Variants in EMSY observed in about 807,000 individuals in gnomAD.
EMSY encodes the protein EMSY transcriptional repressor, BRCA2 interacting.
In EMSY, 26 loss-of-function variants were observed where a neutral mutation model predicts 134.6. The observed-to-expected ratio is 0.19, with a 90% CI of 0.14 to 0.27. The LOEUF (loss-of-function observed/expected upper bound fraction) is 0.27, where lower values mean the gene tolerates loss of function less well. Among genes scored for constraint, EMSY ranks in the 10% least tolerant of loss-of-function variants. EMSY has a pLI of 1.00. For missense variants in EMSY, 1,305 were observed against 1,611.4 expected, an observed-to-expected ratio of 0.81 and a Z score of 3.26; for synonymous variants, 579 against 577.8, an observed-to-expected ratio of 1.00 and a Z score of -0.03.
chr11:76,464,411 T>G (rs1019013369), intron 7 of EMSY, among the ~76,000 whole-genome samples: 2 of 152,246 alleles, frequency 1.3e-5, no homozygotes, highest in African/African-American at 4.8e-5. Flanking sequence ...TGACCTTCCC[T>G]GTAGCAACTC....
intron 6 of EMSY, among the ~76,000 whole-genome samples, chr11:76,463,483 C>T (rs1948213660): frequency 2.0e-5 from 3 of 151,502 alleles, no homozygotes; most frequent in South Asian, 2.1e-4. Context: ...ATTAGCCGGG[C>T]GCGGTGGCGG....
chr11:76,513,614 C>A, intron 10 of EMSY, 79 bp downstream of exon 11: 1 of 1,471,582 alleles, frequency 6.8e-7, no homozygotes, highest in Non-Finnish European at 9.3e-7. Context: ...ATATGCTTGA[C>A]ACTTGGGATA....
intron 3 of EMSY, 91 bp downstream of exon 3, chr11:76,452,048 T>G: frequency 1.2e-6 from 1 of 804,316 alleles, no homozygotes; most frequent in Non-Finnish European, 1.9e-6. Context: ...ACTGTCAAAT[T>G]AAGTTGAAGA....
At chr11:76,453,525 C>A in intron 4 of EMSY, 137 bp downstream of exon 4, 1 of 717,834 alleles carries the variant, frequency 1.4e-6, no homozygotes, top group Non-Finnish European at 2.1e-6. Flanking sequence ...CTGATCATAG[C>A]AGTAAAAGTG....
At chr11:76,520,029 G>T (rs1042324176) in intron 11 of EMSY, among the ~76,000 whole-genome samples, 2 of 152,024 alleles carry the variant, frequency 1.3e-5, no homozygotes, top group Admixed American at 6.6e-5. Flanking sequence ...GGGAACAGAA[G>T]TCCACTGTGA....
At chr11:76,454,582 A>G (rs1484165916) in intron 4 of EMSY, among the ~76,000 whole-genome samples, 167 bp from the exon 5 acceptor site, 1 of 152,192 alleles carries the variant, frequency 6.6e-6, no homozygotes, top group Non-Finnish European at 1.5e-5. Context: ...GTGCTAGAGA[A>G]TAAAGTAGTA....
intron 14 of EMSY, among the ~76,000 whole-genome samples, chr11:76,530,520 A>G (rs1354218406): frequency 2.6e-5 from 4 of 152,176 alleles, no homozygotes; most frequent in Non-Finnish European, 4.4e-5. Flanking sequence ...TTTTTATTCT[A>G]TTAGGTTGGT....
At chr11:76,502,949 A>G (rs544885416) in intron 9 of EMSY, among the ~76,000 whole-genome samples, 1 of 152,210 alleles carries the variant, frequency 6.6e-6, no homozygotes, top group Admixed American at 6.5e-5. Flanking sequence ...CAAAATTCAT[A>G]TGGAATTTGA....
intron 4 of EMSY, among the ~76,000 whole-genome samples, chr11:76,456,606 C>T (rs1243778483): frequency 1.3e-5 from 2 of 151,956 alleles, no homozygotes; most frequent in African/African-American, 4.8e-5. Context: ...TTGTTTGTAC[C>T]ATTCTTTGTT....
intron 7 of EMSY, among the ~76,000 whole-genome samples, chr11:76,465,332 A>G (rs1204825930): frequency 6.6e-6 from 1 of 152,180 alleles, no homozygotes; most frequent in East Asian, 1.9e-4. Flanking sequence ...TTTGCCACTT[A>G]CTAGCTGCGT....
intron 8 of EMSY, among the ~76,000 whole-genome samples, chr11:76,487,093 C>T (rs1171141094): frequency 5.3e-5 from 8 of 152,140 alleles, no homozygotes; most frequent in African/African-American, 9.7e-5. Context: ...CTGGCTAACA[C>T]GGTGAAAACC....
intron 18 of EMSY, 90 bp downstream of exon 19, chr11:76,542,457 A>C (rs549271660): frequency 6.1e-6 from 9 of 1,475,090 alleles, no homozygotes; most frequent in East Asian, 2.3e-5. Context: ...GAGGAGAAAT[A>C]ATTGGAACGT....
chr11:76,453,366 C>A, exon 4 of EMSY: 1 of 1,612,804 alleles, frequency 6.2e-7, no homozygotes, highest in South Asian at 1.1e-5. Context: ...AAACGATGAA[C>A]GGTTAACAAC....
chr11:76,488,524 A>ATTTTTTTTTTTT (rs67150598), intron 8 of EMSY, among the ~76,000 whole-genome samples: 1 of 138,676 alleles, frequency 7.2e-6, no homozygotes, highest in African/African-American at 2.6e-5. Flanking sequence ...TATTTATGCT[A>ATTTTTTTTTTTT]TTTTTTTTTT....
intron 20 of EMSY, among the ~76,000 whole-genome samples, chr11:76,547,533 G>A (rs887302549): frequency 7.2e-5 from 11 of 152,176 alleles, no homozygotes; most frequent in African/African-American, 2.7e-4. Flanking sequence ...TTTGGGCAAG[G>A]CTACTTAACG....
intron 4 of EMSY, 123 bp from the exon 5 acceptor site, chr11:76,454,626 A>G: frequency 1.8e-6 from 1 of 570,222 alleles, no homozygotes; most frequent in Non-Finnish European, 2.9e-6. Flanking sequence ...ACTTAGAAAC[A>G]AATTAGTATT....
intron 14 of EMSY, among the ~76,000 whole-genome samples, 182 bp downstream of exon 15, chr11:76,528,648 A>C (rs1394051540): frequency 6.7e-6 from 1 of 150,240 alleles, no homozygotes; most frequent in Non-Finnish European, 1.5e-5. Context: ...ATTTTTGGTA[A>C]AGGTTACCAT....
At chr11:76,516,175 G>A in exon 11 of EMSY, 3 of 1,613,812 alleles carry the variant, frequency 1.9e-6, no homozygotes, top group African/African-American at 1.3e-5. Flanking sequence ...CCAACAGTGA[G>A]CCCATCCATT....
intron 8 of EMSY, among the ~76,000 whole-genome samples, chr11:76,494,758 T>C (rs1372863298): frequency 6.8e-6 from 1 of 148,046 alleles, no homozygotes; most frequent in African/African-American, 2.5e-5. Context: ...CTTTCCTTCC[T>C]TTCCTTTTCT....
Sources: gnomAD v4.1 joint callset for allele counts (sites outside exome capture counted in the v4.1 genomes callset) on GRCh38, gnomAD v4.1.1 for gene constraint, MANE v1.5 for transcripts, NCBI Gene and HGNC (gene_info 2026-07-23, HGNC 2026-07-21) for gene names.